Variants in NOTCH1 observed in about 807,000 individuals in gnomAD.
The protein encoded by NOTCH1 is notch receptor 1, also known as neurogenic locus notch homolog protein 1.
NOTCH1 carries 37 observed loss-of-function variants against 254.8 expected under a neutral mutation model. The observed-to-expected ratio is 0.15, with a 90% CI of 0.11 to 0.19. NOTCH1 has a LOEUF of 0.19. NOTCH1 is among the 10% of genes least tolerant of loss of function. The pLI is 1.00. For synonymous variants in NOTCH1, 1,731 were observed against 1,618.1 expected, an observed-to-expected ratio of 1.07 and a Z score of -1.68; for missense variants, 2,972 against 3,708.6, an observed-to-expected ratio of 0.80 and a Z score of 5.16.
intron 31 of NOTCH1, 46 bp from the exon 32 acceptor site, chr9:136,499,305 C>T (rs746941826): frequency 1.2e-6 from 2 of 1,605,718 alleles, no homozygotes; most frequent in Non-Finnish European, 1.7e-6. Flanking sequence ...CAGACGTACA[C>T]CGATGCCTCC....
At position 136,502,068 on chromosome 9, in the gene NOTCH1, T is replaced by A. The variant is rs1170030030; in HGVS notation, c.5405A>T (p.Asp1802Val). The part of the protein sequence containing the change: ...VGLKPLKNAS[D>V]GALMDDNQNE... ...CTGGTTGTCGTCCATGAGGGCACCG[T>A]CTGAAGCGTTCTTCAGGGGCCTGGG... The change falls in exon 29 of 34, where the codon GAC becomes GTC. Residue 1802 changes from aspartate (D) to valine (V), a missense_variant. This residue lies in a region of NOTCH1 where 421 missense variants were observed against 604.4 expected (regional missense o/e 0.70). Coordinates refer to ENST00000651671, the MANE Select transcript of NOTCH1 (RefSeq NM_017617.5). 6.2e-7 allele frequency: 1 copy of A among 1,613,270 alleles called. No individual in the cohort carries two copies. Among genetic ancestry groups the A allele is most frequent in the Non-Finnish European group, 8.5e-7 (1 of 1,179,942 alleles).
rs1290138629 is a variant in NOTCH1 at position 136,514,555 on chromosome 9, T to C, written c.2162A>G (p.Asn721Ser). The C allele has an allele frequency of 6.2e-7, 1 of 1,605,508 alleles. No individual in the cohort carries two copies. Among genetic ancestry groups the C allele is most frequent in the South Asian group, 1.1e-5 (1 of 89,600 alleles). Residue 721 changes from asparagine to serine, a missense_variant, in exon 13 of 34, where the codon AAC (asparagine) becomes AGC (serine). Transcript: ENST00000651671. The stretch of plus-strand genomic sequence containing the variant: ...GGCCCCGTGGACGCAGGGGTTGCTG[T>C]TGCACTCATTGACCTCAGACAGGCA... ...PTCLSEVNEC[N>S]SNPCVHGACR...
chr9:136,516,124 CAT>C, intron 9 of NOTCH1, 30 bp from the exon 10 acceptor site: 1 of 1,527,786 alleles, frequency 6.5e-7, no homozygotes, highest in Non-Finnish European at 9.0e-7. Context: ...GGGAGGGAGT[CAT>C]GTGCAACAGC....
At position 136,496,397 on chromosome 9, in the gene NOTCH1, G is replaced by A. The variant is rs2133315362; in HGVS notation, c.7342C>T (p.Pro2448Ser). 4 of 1,598,872 alleles carry A rather than the reference G, an allele frequency of 2.5e-6. No individual in the cohort carries two copies. The highest frequency in any genetic ancestry group is 1.3e-5 in the African/African-American group (1 of 75,034). ...ATAGTGTGCACCGCCAGGCTGCTGG[G>A]GCCCAGTGGCTGCACGTCTGCCTGG... ...PSQADVQPLGPSSLAVHTILP... is the reference protein window; with the variant it reads ...PSQADVQPLGSSSLAVHTILP... Residue 2448 changes from proline (P) to serine (S), a missense_variant, in exon 34 of 34, where the codon CCC (proline) becomes TCC (serine). Around this residue, in one of 8 missense-constraint regions of NOTCH1, gnomAD observed 529 missense variants for 529.2 expected, o/e 1.00. Transcript: ENST00000651671.
chr9:136,523,973 G>A lies in NOTCH1; in HGVS notation c.147C>T (p.Gly49=), dbSNP rs746002433. The change falls in exon 3 of 34, where the codon GGC becomes GGT. Residue 49 remains glycine (G), a synonymous_variant. Coordinates refer to ENST00000651671, the MANE Select transcript of NOTCH1 (RefSeq NM_017617.5). ...AANGTEACVC[G]GAFVGPRCQD... ...GGCATCGCGGGCCCACGAAGGCCCCGCCACAGCTGTTGGCAGATGTGCCAG... is the reference window on the plus strand; with the variant it reads ...GGCATCGCGGGCCCACGAAGGCCCCACCACAGCTGTTGGCAGATGTGCCAG... 187 of 1,555,066 alleles carry A rather than the reference G, an allele frequency of 1.2e-4. No homozygotes were observed. Among genetic ancestry groups the A allele is most frequent in the South Asian group, 4.7e-4 (40 of 84,970 alleles).
In NOTCH1 at chr9:136,496,803, G is replaced by A. The variant is rs1190107678; in HGVS notation, c.6936C>T (p.Ser2312=). Residue 2312 remains serine (S), a synonymous_variant, in exon 34 of 34, where the codon TCC becomes TCT. Transcript: ENST00000651671. ...TCGGCACCATGCCGCTCTGCAGCCG[G>A]GACAGCCACTCGCATTGACCATTCA... The part of the protein sequence containing the change: ...TSLNGQCEWL[S]RLQSGMVPNQ... 1.2e-6 allele frequency: 2 copies of A among 1,612,926 alleles called. No individual in the cohort carries two copies. The highest frequency in any genetic ancestry group is 1.7e-6 in the Non-Finnish European group (2 of 1,180,008).
chr9:136,522,843 G>T lies in NOTCH1; in HGVS notation c.742+7C>A. 6.7e-7 allele frequency: 1 copy of T among 1,485,030 alleles called. No homozygotes were observed. 92.0% of individuals were successfully genotyped at this position (1,485,030 alleles called of 1,614,324 possible). On this transcript the variant is annotated splice_region_variant and intron_variant, in intron 4 of 33. Transcript: ENST00000651671. Reference sequence around the variant, plus strand: ...GCTCGTGCACCCCGGCCAGCGGGCAGCACTACCTGGCAGGCAGGCACACTC... The same window carrying T: ...GCTCGTGCACCCCGGCCAGCGGGCATCACTACCTGGCAGGCAGGCACACTC...
Position 136,518,632 on chromosome 9 carries a change from C to T in NOTCH1, c.1058G>A (p.Arg353His), listed in dbSNP as rs750215904. 3.1e-6 allele frequency: 5 copies of T among 1,612,676 alleles called. No homozygotes were observed. Among genetic ancestry groups the T allele is most frequent in the East Asian group, 2.2e-5 (1 of 44,886 alleles). Residue 353 changes from arginine (R) to histidine (H), a missense_variant, in exon 6 of 34, where the codon CGT becomes CAT. Physicochemically the swap from Arg to His is conservative, Grantham distance 29. Transcript: ENST00000651671. ...ACACTCGCAGTAGAAGGAGGCCACA[C>T]GGTCATGGCAGGTGGCGCCGTGGAA... ...ACFHGATCHD[R>H]VASFYCECPH... is the part of the protein sequence containing the mutation.
At chr9:136,544,451 G>GC (rs1275564161) in intron 1 of NOTCH1, among the ~76,000 whole-genome samples, 5 of 152,290 alleles carry the variant, frequency 3.3e-5, no homozygotes, top group Middle Eastern at 6.8e-3. Flanking sequence ...CCAAAGCGTT[G>GC]CCCCCCACCC....
At chr9:136,525,972 G>A (rs1041369476) in intron 2 of NOTCH1, among the ~76,000 whole-genome samples, 5 of 152,172 alleles carry the variant, frequency 3.3e-5, no homozygotes, top group African/African-American at 7.2e-5. Flanking sequence ...GAAAACACAT[G>A]TCACCCCTTC....
Position 136,513,298 on chromosome 9 carries a change from A to G in NOTCH1, c.2353+94T>C. ...TTGCCACGGGAGGGAGACACCATGC[A>G]TGGTGCTGGCTGGACCTGGGTCCCG... On this transcript the variant is annotated intron_variant, in intron 14 of 33. Transcript: ENST00000651671. This position sits in a 1 kb window ranked among gnomAD's most constrained non-coding sequence, Gnocchi z 4.7. The G allele has an allele frequency of 6.3e-7, 1 of 1,580,858 alleles. No homozygotes were observed. The highest frequency in any genetic ancestry group is 8.7e-7 in the Non-Finnish European group (1 of 1,156,010).
In NOTCH1 at chr9:136,513,708, C is replaced by A. The variant is rs1843219602; in HGVS notation, c.2208-171G>T. Among the ~76,000 whole-genome samples the A allele has an allele frequency of 6.6e-6, 1 of 152,210 alleles. No individual in the cohort carries two copies. Among genetic ancestry groups the A allele is most frequent in the Non-Finnish European group, 1.5e-5 (1 of 68,042 alleles). On this transcript the variant is annotated intron_variant, in intron 13 of 33. Transcript: ENST00000651671. The surrounding 1 kb of genome is among the most constrained non-coding windows in gnomAD (Gnocchi z 4.7). Reference sequence around the variant, plus strand: ...GCGCTGTGGCTCACACCTGTAATCCCAGCACTTTGGGAGGCGGGGGTGGCT... The same window carrying A: ...GCGCTGTGGCTCACACCTGTAATCCAAGCACTTTGGGAGGCGGGGGTGGCT...
chr9:136,539,638 C>T (rs1053742935), intron 2 of NOTCH1, among the ~76,000 whole-genome samples: 2 of 152,196 alleles, frequency 1.3e-5, no homozygotes, highest in Non-Finnish European at 2.9e-5. Context: ...GATCTGCCCA[C>T]CTCGGATGCT....
At chr9:136,510,068 G>C in intron 17 of NOTCH1, 107 bp from the exon 18 acceptor site, 2 of 1,085,936 alleles carry the variant, frequency 1.8e-6, no homozygotes, top group South Asian at 1.3e-5. Context: ...TTTCGTTGCC[G>C]AGGCTGCGGC....
intron 6 of NOTCH1, 74 bp from the exon 7 acceptor site, chr9:136,518,366 AC>A (rs995689612): frequency 3.3e-6 from 5 of 1,533,902 alleles, no homozygotes; most frequent in Non-Finnish European, 4.4e-6. Flanking sequence ...CTGGGGTCCA[AC>A]CCCACTGACA....
intron 15 of NOTCH1, among the ~76,000 whole-genome samples, chr9:136,512,506 G>A (rs1252760204): frequency 6.6e-6 from 1 of 152,120 alleles, no homozygotes; most frequent in South Asian, 2.1e-4. Flanking sequence ...CCCCCTCCCC[G>A]CTCAGCCCAA....
At position 136,523,747 on chromosome 9, in the gene NOTCH1, A is replaced by G. The variant is rs1843414001; in HGVS notation, c.373T>C (p.Tyr125His). 1.9e-6 allele frequency: 3 copies of G among 1,610,302 alleles called. No individual in the cohort carries two copies. The highest frequency in any genetic ancestry group is 1.8e-4 in the Middle Eastern group (1 of 5,472). The change falls in exon 3 of 34, where the codon TAC (tyrosine) becomes CAC (histidine). Residue 125 changes from tyrosine to histidine, a missense_variant. Physicochemically the swap from Tyr to His is moderately conservative, Grantham distance 83. Coordinates refer to ENST00000651671, the MANE Select transcript of NOTCH1 (RefSeq NM_017617.5). ...CAGCCGGGCGGGCAGCGGCACTTGT[A>G]CTCCGTCAGCGTGAGCAGGTCGCAG... Reference protein sequence around the residue: ...GTCDLLTLTEYKCRCPPGWSG... With the variant: ...GTCDLLTLTEHKCRCPPGWSG...
rs1210784407 is a variant in NOTCH1 at position 136,496,534 on chromosome 9, A to G, written c.7205T>C (p.Ile2402Thr). Residue 2402 changes from isoleucine (I) to threonine (T), a missense_variant, in exon 34 of 34, where the codon ATC becomes ACC. Around this residue, in one of 8 missense-constraint regions of NOTCH1, gnomAD observed 529 missense variants for 529.2 expected, o/e 1.00. Coordinates refer to ENST00000651671, the MANE Select transcript of NOTCH1 (RefSeq NM_017617.5). The stretch of plus-strand genomic sequence containing the variant: ...CGGCTGCAGGCTTTGCTGCTGCTGG[A>G]TGTTTGCTGGCTGCAGGTTCTGCTG... ...MQQQNLQPAN[I>T]QQQQSLQPPP... is the part of the protein sequence containing the mutation. 1.2e-6 allele frequency: 2 copies of G among 1,607,188 alleles called. No individual in the cohort carries two copies. Among genetic ancestry groups the G allele is most frequent in the African/African-American group, 2.7e-5 (2 of 75,004 alleles).
Position 136,496,562 on chromosome 9 carries a change from G to T in NOTCH1, c.7177C>A (p.Gln2393Lys), listed in dbSNP as rs779613930. ...TTTGCTGGCTGCAGGTTCTGCTGCTGCATCTGTAAGTTTTGTGGCTGCACC... is the reference window on the plus strand; with the variant it reads ...TTTGCTGGCTGCAGGTTCTGCTGCTTCATCTGTAAGTTTTGTGGCTGCACC... ...QQVQPQNLQM[Q>K]QQNLQPANIQ... Residue 2393 changes from glutamine to lysine, a missense_variant, in exon 34 of 34, where the codon CAG (glutamine) becomes AAG (lysine). Transcript: ENST00000651671. 1 of 1,611,376 alleles carries T rather than the reference G, an allele frequency of 6.2e-7. No homozygotes were observed. The highest frequency in any genetic ancestry group is 8.5e-7 in the Non-Finnish European group (1 of 1,179,982).
Sources: allele counts gnomAD v4.1 joint callset (sites outside exome capture counted in the v4.1 genomes callset), GRCh38; gene constraint gnomAD v4.1.1; regional missense constraint gnomAD v4.1.1; non-coding constraint Gnocchi (gnomAD v3.1); transcripts MANE v1.5; gene names NCBI Gene and HGNC (gene_info 2026-07-23, HGNC 2026-07-21).